VAV3: variants seen among roughly 807,000 people sequenced by gnomAD.
The protein encoded by VAV3 is vav guanine nucleotide exchange factor 3.
VAV3 carries 94 observed loss-of-function variants against 131.2 expected under a neutral mutation model. That is an observed-to-expected ratio of 0.72 (90% CI 0.61 to 0.85). VAV3 has a LOEUF of 0.85. Ranked by LOEUF, VAV3 falls within the 40% of genes least tolerant of loss-of-function variation. The pLI is 0.00. For synonymous variants in VAV3, 349 were observed against 342.0 expected (o/e 1.02, Z -0.22); for missense variants, 939 against 1,002.7 (o/e 0.94, Z 0.86).
chr1:107,657,671 G>A (rs1656677292), intron 19 of VAV3, among the ~76,000 whole-genome samples: 1 of 152,130 alleles, frequency 6.6e-6, no homozygotes, highest in African/African-American at 2.4e-5. Context: ...AGCTACCATA[G>A]GGAGAGCAAA....
intron 8 of VAV3, 26 bp downstream of exon 8, chr1:107,766,421 C>G: frequency 6.6e-7 from 1 of 1,511,186 alleles, no homozygotes; most frequent in East Asian, 2.3e-5. Context: ...AGCTAAGACC[C>G]ACAAAACTTA....
chr1:107,677,942 A>G (rs1658326497), intron 19 of VAV3: 1 of 152,180 alleles, frequency 6.6e-6, no homozygotes, highest in African/African-American at 2.4e-5. Context: ...TGAAGGGGAG[A>G]AATAAATCCT....
intron 2 of VAV3, among the ~76,000 whole-genome samples, chr1:107,835,670 C>T (rs1668445961): frequency 6.6e-6 from 1 of 152,178 alleles, no homozygotes; most frequent in African/African-American, 2.4e-5. Context: ...AGAAGGAGAT[C>T]AGTCAATGGA....
chr1:107,779,350 G>T, intron 3 of VAV3, 84 bp downstream of exon 3: 1 of 1,265,278 alleles, frequency 7.9e-7, no homozygotes, highest in South Asian at 1.7e-5. Context: ...CTGTGTGCAA[G>T]ATGCTTCACA....
intron 15 of VAV3, among the ~76,000 whole-genome samples, chr1:107,729,220 C>T (rs1275060322): frequency 6.6e-6 from 1 of 152,106 alleles, no homozygotes; most frequent in Non-Finnish European, 1.5e-5. Context: ...TATGTCAAAG[C>T]TCAAATATTC....
intron 1 of VAV3, among the ~76,000 whole-genome samples, chr1:107,921,444 G>A (rs772406408): frequency 1.3e-5 from 2 of 152,192 alleles, no homozygotes; most frequent in African/African-American, 2.4e-5. Context: ...ATTGTAAGAA[G>A]GTTCCTGGTG....
chr1:107,964,658 C>G lies in VAV3; in HGVS notation c.204+8G>C. On this transcript the variant is annotated splice_region_variant and intron_variant, in intron 1 of 26. Coordinates refer to ENST00000370056, the MANE Select transcript of VAV3 (RefSeq NM_006113.5). ...CTGGAGGCGGGGCGCCCGTGCCGGC[C>G]TCCTCACCTGGGACATCTGCGGCCT... The G allele has an allele frequency of 6.2e-7, 1 of 1,609,912 alleles. No homozygotes were observed. The highest frequency in any genetic ancestry group is 1.1e-5 in the South Asian group (1 of 90,510).
chr1:107,962,964 A>G (rs543381770), intron 1 of VAV3, among the ~76,000 whole-genome samples: 1 of 152,314 alleles, frequency 6.6e-6, no homozygotes, highest in South Asian at 2.1e-4. Context: ...TATGTGCTCA[A>G]TTTTCATTAA....
At chr1:107,781,000 G>A (rs1665655711) in intron 2 of VAV3, among the ~76,000 whole-genome samples, 1 of 152,248 alleles carries the variant, frequency 6.6e-6, no homozygotes, top group South Asian at 2.1e-4. Flanking sequence ...ACATAAAAAT[G>A]AAGTCTCTCC....
chr1:107,785,334 T>A, intron 2 of VAV3: 1 of 963,288 alleles, frequency 1.0e-6, no homozygotes, highest in South Asian at 1.7e-5. Context: ...AATTATGGAT[T>A]TATCTTCTTG....
At chr1:107,765,032 A>T in intron 9 of VAV3, 44 bp downstream of exon 9, 2 of 1,340,318 alleles carry the variant, frequency 1.5e-6, no homozygotes, top group Non-Finnish European at 2.1e-6. Flanking sequence ...CATTGCTTTT[A>T]GGTTTATTTT....
chr1:107,592,774 G>C (rs1651069720), intron 25 of VAV3, among the ~76,000 whole-genome samples: 1 of 152,150 alleles, frequency 6.6e-6, no homozygotes, highest in Non-Finnish European at 1.5e-5. Flanking sequence ...AGGTCAGACA[G>C]CTACTCTGGC....
intron 1 of VAV3, among the ~76,000 whole-genome samples, chr1:107,939,629 G>A (rs754386882): frequency 1.3e-5 from 2 of 152,074 alleles, no homozygotes; most frequent in Non-Finnish European, 2.9e-5. Context: ...TAACTTATGG[G>A]TTTCTCAGGA....
intron 16 of VAV3, 107 bp from the exon 17 acceptor site, chr1:107,704,757 C>A (rs1660340077): frequency 1.9e-6 from 2 of 1,028,574 alleles, no homozygotes; most frequent in South Asian, 2.9e-5. Context: ...CTTCAAGGTA[C>A]CCCCTTGGTA....
At chr1:107,629,525 T>G (rs1570643119) in intron 20 of VAV3, among the ~76,000 whole-genome samples, 1 of 152,196 alleles carries the variant, frequency 6.6e-6, no homozygotes, top group African/African-American at 2.4e-5. Context: ...GCCTTACACC[T>G]GCACTAGAAA....
At chr1:107,841,776 G>A (rs758303517) in intron 2 of VAV3, among the ~76,000 whole-genome samples, 14 of 152,068 alleles carry the variant, frequency 9.2e-5, no homozygotes, top group Non-Finnish European at 1.8e-4. Context: ...AGTCTAAATT[G>A]CTATGTGCTG....
At chr1:107,962,454 G>T (rs1197194448) in intron 1 of VAV3, among the ~76,000 whole-genome samples, 1 of 152,102 alleles carries the variant, frequency 6.6e-6, no homozygotes, top group East Asian at 1.9e-4. Flanking sequence ...TCATAATTTT[G>T]CTAATAGTAA....
intron 1 of VAV3, among the ~76,000 whole-genome samples, chr1:107,937,576 C>T (rs558918485): frequency 6.6e-6 from 1 of 152,288 alleles, no homozygotes; most frequent in South Asian, 2.1e-4. Flanking sequence ...CAGGGAATAC[C>T]TATAACTGCT....
chr1:107,839,115 G>A (rs1668588690), intron 2 of VAV3, among the ~76,000 whole-genome samples: 1 of 151,982 alleles, frequency 6.6e-6, no homozygotes, highest in Non-Finnish European at 1.5e-5. Context: ...TGAAAGAAAA[G>A]GAAAAATTAA....
Sources: gnomAD v4.1 joint callset for allele counts (sites outside exome capture counted in the v4.1 genomes callset) on GRCh38, gnomAD v4.1.1 for gene constraint, MANE v1.5 for transcripts, NCBI Gene and HGNC (gene_info 2026-07-23, HGNC 2026-07-21) for gene names.